LRP12: variants seen among roughly 807,000 people sequenced by gnomAD.
The protein encoded by LRP12 is low-density lipoprotein receptor-related protein 12.
In LRP12, 14 loss-of-function variants were observed where a neutral mutation model predicts 66.0. The observed-to-expected ratio is 0.21, with a 90% CI of 0.14 to 0.33. The LOEUF is 0.33. Ranked by LOEUF, LRP12 falls within the 10% of genes least tolerant of loss-of-function variation. The pLI, the probability that LRP12 is intolerant of heterozygous loss-of-function variation, is 1.00. For missense variants in LRP12, 889 were observed against 1,053.4 expected (o/e 0.84, Z 2.16); for synonymous variants, 357 against 359.1 (o/e 0.99, Z 0.07).
chr8:104,551,596 T>C (rs1411273509), intron 1 of LRP12, among the ~76,000 whole-genome samples: 4 of 152,130 alleles, frequency 2.6e-5, no homozygotes, highest in Non-Finnish European at 5.9e-5. Flanking sequence ...CACTTAAACG[T>C]GAGAATATGC....
chr8:104,513,756 A>G (rs1811032125), intron 2 of LRP12, among the ~76,000 whole-genome samples: 1 of 152,202 alleles, frequency 6.6e-6, no homozygotes, highest in Non-Finnish European at 1.5e-5. Flanking sequence ...CCAGCCAGCC[A>G]GTCCTTGATA....
chr8:104,547,573 A>G (rs1194496801), intron 1 of LRP12, among the ~76,000 whole-genome samples: 2 of 122,232 alleles, frequency 1.6e-5, no homozygotes, highest in Non-Finnish European at 3.2e-5. Context: ...ATTAATAATT[A>G]TTATATATTA....
Position 104,548,546 on chromosome 8 carries a change from T to C in LRP12, c.80-16583A>G, listed in dbSNP as rs2140878292. On this transcript the variant is annotated intron_variant, in intron 1 of 6. Transcript: ENST00000276654. ...ATCTAATATATAATTCTATGTTATATTTTGTATATGATATAGAATTATAAT... is the reference window on the plus strand; with the variant it reads ...ATCTAATATATAATTCTATGTTATACTTTGTATATGATATAGAATTATAAT... 1.4e-5 allele frequency among the ~76,000 whole-genome samples: 2 copies of C among 138,182 alleles called. 1 individual carries two copies. The highest frequency in any genetic ancestry group is 3.0e-5 in the Non-Finnish European group (2 of 65,586). The allele number at this position is 138,182 out of a possible 152,430, so 90.7% of individuals were successfully genotyped here.
chr8:104,580,789 G>A (rs1466016841), intron 1 of LRP12, among the ~76,000 whole-genome samples: 1 of 152,140 alleles, frequency 6.6e-6, no homozygotes. Flanking sequence ...AATAACAAAT[G>A]CTTGCGAGGT....
chr8:104,495,359 T>C, intron 5 of LRP12, 150 bp from the exon 6 acceptor site: 1 of 722,906 alleles, frequency 1.4e-6, no homozygotes, highest in Non-Finnish European at 2.2e-6. Context: ...TGAATATATG[T>C]ATTATCCCTA....
rs557798094 is a variant in LRP12, at chr8:104,490,566, C to T, written c.*107G>A. On this transcript the variant is annotated 3_prime_UTR_variant, in exon 7 of 7. Transcript: ENST00000276654. ...GCTAACATATAATAATAAGAAATCA[C>T]CCTGCATTTTTTCTTTTTAAACTAA... 7.2e-6 allele frequency: 9 copies of T among 1,253,150 alleles called. No homozygotes were observed. In the South Asian group the frequency reaches 1.2e-4, roughly 17 times the overall value. The allele number at this position is 1,253,150 out of a possible 1,614,324, so 77.6% of individuals were successfully genotyped here. A position where few individuals can be genotyped will look rare whatever the true frequency, so the allele number is the denominator to read the frequency against.
Position 104,508,923 on chromosome 8 carries a change from A to T in LRP12, c.272+16T>A. 6.3e-7 allele frequency: 1 copy of T among 1,598,852 alleles called. No homozygotes were observed. Among genetic ancestry groups the T allele is most frequent in the Non-Finnish European group, 8.5e-7 (1 of 1,169,940 alleles). The stretch of plus-strand genomic sequence containing the variant: ...TTTGTAATAAATTATATAGTAATAC[A>T]GAAAGGTAGAATTACCTTATAGTAA... On this transcript the variant is annotated intron_variant, in intron 3 of 6. Coordinates refer to ENST00000276654, the MANE Select transcript of LRP12 (RefSeq NM_013437.5).
At chr8:104,526,021 T>C (rs1469643108) in intron 2 of LRP12, among the ~76,000 whole-genome samples, 1 of 152,178 alleles carries the variant, frequency 6.6e-6, no homozygotes, top group East Asian at 1.9e-4. Context: ...ATCACAAGCA[T>C]TCTTATACAC....
intron 1 of LRP12, among the ~76,000 whole-genome samples, chr8:104,561,334 CCTA>C (rs1811903869): frequency 6.6e-6 from 1 of 152,222 alleles, no homozygotes; most frequent in Admixed American, 6.5e-5. Flanking sequence ...GTCTCCTTAC[CCTA>C]CTTTTCATAA....
chr8:104,562,596 AAC>A (rs543069479), intron 1 of LRP12, among the ~76,000 whole-genome samples: 68 of 152,290 alleles, frequency 4.5e-4, no homozygotes, highest in South Asian at 1.2e-3. Flanking sequence ...TATTTGATAA[AAC>A]AGTTTCATTT....
Position 104,491,551 on chromosome 8 carries a change from A to G in LRP12, c.1714-12T>C. ...TCCAAAACAGAAGCCTACAAAAATA[A>G]GAAAAGATCTTAAGATAGTTAACAA... On this transcript the variant is annotated splice_polypyrimidine_tract_variant and intron_variant, in intron 6 of 6. Coordinates refer to ENST00000276654, the MANE Select transcript of LRP12 (RefSeq NM_013437.5). The G allele has an allele frequency of 1.3e-6, 2 of 1,580,886 alleles. No individual in the cohort carries two copies. The highest frequency in any genetic ancestry group is 1.4e-5 in the African/African-American group (1 of 73,010).
chr8:104,525,692 T>C (rs1295225375), intron 2 of LRP12, among the ~76,000 whole-genome samples: 8 of 152,050 alleles, frequency 5.3e-5, no homozygotes. Flanking sequence ...GACCATATTA[T>C]ATAAGAGCTA....
chr8:104,496,550 T>C (rs1292224384), intron 5 of LRP12, among the ~76,000 whole-genome samples: 1 of 152,186 alleles, frequency 6.6e-6, no homozygotes, highest in Non-Finnish European at 1.5e-5. Context: ...CATGCCCCAA[T>C]TCCTTCCTCC....
At chr8:104,537,382 C>T (rs1811405602) in intron 1 of LRP12, among the ~76,000 whole-genome samples, 1 of 152,096 alleles carries the variant, frequency 6.6e-6, no homozygotes, top group Non-Finnish European at 1.5e-5. Flanking sequence ...TGTCAAGCTG[C>T]ACATGTGTAA....
At position 104,588,978 on chromosome 8, in the gene LRP12, G is replaced by GCCGCCGCCA. The variant is rs1812389617; in HGVS notation, c.-82_-81insTGGCGGCGG. 5.6e-6 allele frequency: 4 copies of GCCGCCGCCA among 719,696 alleles called. No homozygotes were observed. The highest frequency in any genetic ancestry group is 3.3e-5 in the Admixed American group (1 of 30,450). 44.6% of individuals were successfully genotyped at this position (719,696 alleles called of 1,614,324 possible). On this transcript the variant is annotated 5_prime_UTR_variant, in exon 1 of 7. Transcript: ENST00000276654. ...GGAGGTAGACGACGCCGACGCCGCC[G>GCCGCCGCCA]CCGCCGCCGCCGCCGCCGCCGAGCC...
intron 1 of LRP12, among the ~76,000 whole-genome samples, chr8:104,534,584 T>C (rs1297721376): frequency 6.6e-6 from 1 of 152,006 alleles, no homozygotes; most frequent in East Asian, 1.9e-4. Context: ...TATTAATGAT[T>C]TTAAAAACTG....
At chr8:104,575,833 C>T (rs1337668290) in intron 1 of LRP12, among the ~76,000 whole-genome samples, 1 of 152,016 alleles carries the variant, frequency 6.6e-6, no homozygotes, top group Non-Finnish European at 1.5e-5. Flanking sequence ...CACTGGGCTA[C>T]AGGAGTACGT....
Position 104,499,406 on chromosome 8 carries a change from G to A in LRP12, c.386C>T (p.Pro129Leu), listed in dbSNP as rs1444005150. Residue 129 changes from proline to leucine, a missense_variant, in exon 4 of 7, where the codon CCG becomes CTG. Physicochemically the swap from Pro to Leu is moderately conservative, Grantham distance 98. Around this residue, in one of 3 missense-constraint regions of LRP12, gnomAD observed 800 missense variants for 964.5 expected, o/e 0.83. Coordinates refer to ENST00000276654, the MANE Select transcript of LRP12 (RefSeq NM_013437.5). ...GATGTGGTCTTGTGAAGAGATATAC[G>A]GAGGTGGAATTGTGGAACCACAAGC... ...YRACGSTIPP[P>L]YISSQDHIWI... is the part of the protein sequence containing the mutation. 6 of 1,613,466 alleles carry A rather than the reference G, an allele frequency of 3.7e-6. No individual in the cohort carries two copies. Among genetic ancestry groups the A allele is most frequent in the Non-Finnish European group, 5.1e-6 (6 of 1,179,544 alleles).
At chr8:104,583,283 A>C (rs892835766) in intron 1 of LRP12, among the ~76,000 whole-genome samples, 2 of 152,156 alleles carry the variant, frequency 1.3e-5, no homozygotes, top group African/African-American at 4.8e-5. Context: ...TATTGCTCTA[A>C]TCTCATCCTG....
Sources: allele counts gnomAD v4.1 joint callset (sites outside exome capture counted in the v4.1 genomes callset), GRCh38; gene constraint gnomAD v4.1.1; regional missense constraint gnomAD v4.1.1; transcripts MANE v1.5; gene names NCBI Gene and HGNC (gene_info 2026-07-23, HGNC 2026-07-21).